Variants in DNAH17 observed in about 807,000 individuals in gnomAD.
DNAH17 encodes axonemal beta dynein heavy chain 17.
Under a neutral mutation model 485.6 loss-of-function variants are expected in DNAH17, and 376 were observed. That is an observed-to-expected ratio of 0.77 (90% CI 0.71 to 0.84). DNAH17 has a LOEUF of 0.84. Among genes scored for constraint, DNAH17 ranks in the 40% least tolerant of loss-of-function variants. The pLI is 0.00. For missense variants in DNAH17, 6,370 were observed against 5,839.3 expected, an observed-to-expected ratio of 1.09 and a Z score of -2.96; for synonymous variants, 3,031 against 2,405.9, an observed-to-expected ratio of 1.26 and a Z score of -7.60.
At position 78,445,796 on chromosome 17, in the gene DNAH17, G is replaced by A. The variant is rs1304174782; in HGVS notation, c.11212-116C>T. 3 of 1,157,242 alleles carry A rather than the reference G, an allele frequency of 2.6e-6. No homozygotes were observed. In the African/African-American group the frequency reaches 4.7e-5, roughly 18 times the overall value. The allele number at this position is 1,157,242 out of a possible 1,614,324, so 71.7% of individuals were successfully genotyped here. ...ACTCCCGGCCTGCAGGGGGCGCCCT[G>A]TCCTGCCCCTTTGGTTTGGGGTAAA... On this transcript the variant is annotated intron_variant, in intron 69 of 80. Transcript: ENST00000389840.
Position 78,475,386 on chromosome 17 carries a change from C to T in DNAH17, c.8403G>A (p.Gly2801=). The change falls in exon 54 of 81, where the codon GGG becomes GGA. Residue 2801 remains glycine (G), a synonymous_variant. Coordinates refer to ENST00000389840, the MANE Select transcript of DNAH17 (RefSeq NM_173628.4). ...ESPRGNALLV[G]VGGSGKQSLS... Reference sequence around the variant, plus strand: ...GGCTCTGTTTGCCACTGCCGCCCACCCCCACCAGCAGGGCATTCCCCCGGG... The same window carrying T: ...GGCTCTGTTTGCCACTGCCGCCCACTCCCACCAGCAGGGCATTCCCCCGGG... 1 of 1,613,970 alleles carries T rather than the reference C, an allele frequency of 6.2e-7. No homozygotes were observed. Among genetic ancestry groups the T allele is most frequent in the Admixed American group, 1.7e-5 (1 of 60,018 alleles).
intron 26 of DNAH17, 40 bp downstream of exon 26, chr17:78,514,734 G>A (rs763362406): frequency 1.1e-5 from 18 of 1,599,828 alleles, no homozygotes; most frequent in Middle Eastern, 1.8e-4. Context: ...AGAGCTGGCC[G>A]CCAGGGGCGG....
At chr17:78,491,297 A>T (rs1188215542) in intron 43 of DNAH17, 146 bp downstream of exon 43, 3 of 1,196,532 alleles carry the variant, frequency 2.5e-6, no homozygotes, top group East Asian at 5.2e-5. Flanking sequence ...GGTGCCCCTC[A>T]CTCATAGCTT....
At chr17:78,558,610 A>G (rs1230398794) in intron 13 of DNAH17, among the ~76,000 whole-genome samples, 1 of 152,098 alleles carries the variant, frequency 6.6e-6, no homozygotes, top group African/African-American at 2.4e-5. Flanking sequence ...TGGGTGGATG[A>G]TGTCATCATT....
At chr17:78,533,827 G>A (rs147950615) in intron 19 of DNAH17, among the ~76,000 whole-genome samples, 1 of 152,080 alleles carries the variant, frequency 6.6e-6, no homozygotes, top group Non-Finnish European at 1.5e-5. Flanking sequence ...TGGGATTACA[G>A]GCTCCCACCA....
rs1568244832 is a variant in DNAH17, at chr17:78,553,294, T to TTG, written c.2179-490_2179-489insCA. Reference sequence around the variant, plus strand: ...TCCCAGGTTTTTGTGTTTTTTTTTTTTTTTTTTTTTTTTTTTTTTTTTTTT... The same window carrying TTG: ...TCCCAGGTTTTTGTGTTTTTTTTTTTTGTTTTTTTTTTTTTTTTTTTTTTTTT... On this transcript the variant is annotated intron_variant, in intron 14 of 80. Transcript: ENST00000389840. Among the ~76,000 whole-genome samples the TTG allele has an allele frequency of 1.6e-4, 7 of 42,808 alleles. 1 individual carries two copies. Among genetic ancestry groups the TTG allele is most frequent in the African/African-American group, 5.7e-4 (7 of 12,382 alleles). The allele number at this position is 42,808 out of a possible 152,430, so 28.1% of individuals were successfully genotyped here. A position where few individuals can be genotyped will look rare whatever the true frequency, so the allele number is the denominator to read the frequency against.
At chr17:78,478,724 A>G (rs1031276732) in intron 51 of DNAH17, among the ~76,000 whole-genome samples, 1 of 149,324 alleles carries the variant, frequency 6.7e-6, no homozygotes, top group Non-Finnish European at 1.5e-5. Flanking sequence ...CACTATTGCC[A>G]TCATCACCAC....
chr17:78,500,448 G>C lies in DNAH17; in HGVS notation c.5497C>G (p.Leu1833Val). 6.3e-7 allele frequency: 1 copy of C among 1,585,712 alleles called. No homozygotes were observed. The highest frequency in any genetic ancestry group is 2.2e-5 in the East Asian group (1 of 44,490). Residue 1833 changes from leucine to valine, a missense_variant, in exon 36 of 81, where the codon CTG (leucine) becomes GTG (valine). Coordinates refer to ENST00000389840, the MANE Select transcript of DNAH17 (RefSeq NM_173628.4). ...TPLTDRCYIT[L>V]TQSLHLIMGG... ...ATGATGAGATGGAGGGACTGGGTCA[G>C]GGTGATATAGCACCTGCAAGTGACC...
In DNAH17 at chr17:78,458,666, G is replaced by T. The variant is rs766259372; in HGVS notation, c.9876C>A (p.Asn3292Lys). 50 of 1,613,882 alleles carry T rather than the reference G, an allele frequency of 3.1e-5. No homozygotes were observed. The highest frequency in any genetic ancestry group is 4.2e-5 in the Non-Finnish European group (50 of 1,179,886). ...IKNKIAELNANLSNLTSAFEK... is the reference protein window; with the variant it reads ...IKNKIAELNAKLSNLTSAFEK... ...CAAACGCTGAGGTTAGGTTGCTCAG[G>T]TTGGCGTTAAGTTCCTGCAAAACCA... is the stretch of plus-strand genomic sequence containing the variant. The change falls in exon 62 of 81, where the codon AAC (asparagine) becomes AAA (lysine). Residue 3292 changes from asparagine (N) to lysine (K), a missense_variant. Asn to Lys is a moderately conservative substitution (Grantham distance 94). Transcript: ENST00000389840.
intron 75 of DNAH17, 118 bp from the exon 76 acceptor site, chr17:78,429,418 C>T (rs1222597300): frequency 7.8e-6 from 9 of 1,153,754 alleles, no homozygotes; most frequent in African/African-American, 4.6e-5. Flanking sequence ...GTGTCCTTCT[C>T]GCCCTCCAGG....
At chr17:78,429,329 A>C in intron 75 of DNAH17, 29 bp from the exon 76 acceptor site, 1 of 1,604,440 alleles carries the variant, frequency 6.2e-7, no homozygotes, top group Non-Finnish European at 8.5e-7. Context: ...GGGTAGGGGA[A>C]AGTGCCCCTG....
At chr17:78,543,515 C>A (rs942537693) in intron 17 of DNAH17, among the ~76,000 whole-genome samples, 6 of 151,964 alleles carry the variant, frequency 3.9e-5, no homozygotes, top group African/African-American at 1.2e-4. Flanking sequence ...TGGTCTCGAT[C>A]TCCTGACCTC....
At chr17:78,561,574 G>T in intron 12 of DNAH17, 141 bp downstream of exon 12, 1 of 998,502 alleles carries the variant, frequency 1.0e-6, no homozygotes, top group Non-Finnish European at 1.4e-6. Context: ...GGACCAGAAG[G>T]GGTCTCTTCT....
chr17:78,471,385 C>T (rs2088742723), intron 54 of DNAH17, among the ~76,000 whole-genome samples: 1 of 152,212 alleles, frequency 6.6e-6, no homozygotes, highest in Admixed American at 6.5e-5. Context: ...GTCCTTGGAC[C>T]CTGCCTCGAG....
intron 17 of DNAH17, among the ~76,000 whole-genome samples, chr17:78,540,879 ATGGG>A (rs1300126304): frequency 0.61 from 11 of 18 alleles, 3 homozygotes; most frequent in Non-Finnish European, 0.67. Flanking sequence ...GGGTGGGTGG[ATGGG>A]TGGATGGATG....
At position 78,506,735 on chromosome 17, in the gene DNAH17, G is replaced by A. The variant is rs2090495514; in HGVS notation, c.4788C>T (p.Gly1596=). The A allele has an allele frequency of 1.2e-6, 2 of 1,613,880 alleles. No homozygotes were observed. The highest frequency in any genetic ancestry group is 3.3e-5 in the Admixed American group (2 of 59,998). Residue 1596 remains glycine, a synonymous_variant, in exon 30 of 81, where the codon GGC becomes GGT. Coordinates refer to ENST00000389840, the MANE Select transcript of DNAH17 (RefSeq NM_173628.4). ...CCCCGCCTACCTCCACGGGGTCATT[G>A]CCATTGGAGAGAATGTCCAGGAGGT... is the stretch of plus-strand genomic sequence containing the variant. ...SADLLDILSN[G]NDPVEVSRHL... is the part of the protein sequence containing the mutation.
rs773845932 is a variant in DNAH17 at position 78,537,292 on chromosome 17, G to A, written c.2859+7C>T. ...CCTGTGTACGGCCAGAAGAGGCCAG[G>A]ACTGACCTTGTAGTTCATCCTGTCC... is the stretch of plus-strand genomic sequence containing the variant. On this transcript the variant is annotated splice_region_variant and intron_variant, in intron 19 of 80. Transcript: ENST00000389840. 22 of 1,556,446 alleles carry A rather than the reference G, an allele frequency of 1.4e-5. No homozygotes were observed. Among genetic ancestry groups the A allele is most frequent in the African/African-American group, 2.7e-5 (2 of 73,338 alleles).
chr17:78,487,528 A>C (rs1160718171), intron 44 of DNAH17, among the ~76,000 whole-genome samples: 1 of 151,796 alleles, frequency 6.6e-6, no homozygotes, highest in Non-Finnish European at 1.5e-5. Context: ...GCCTCTTTAG[A>C]CAGAGACTCA....
intron 65 of DNAH17, 73 bp downstream of exon 65, chr17:78,453,270 T>C: frequency 1.3e-6 from 2 of 1,565,982 alleles, no homozygotes; most frequent in Non-Finnish European, 1.7e-6. Flanking sequence ...GCGTTTTCTC[T>C]ACATGCACAC....
Sources: gnomAD v4.1 joint callset for allele counts (sites outside exome capture counted in the v4.1 genomes callset) on GRCh38, gnomAD v4.1.1 for gene constraint, MANE v1.5 for transcripts, NCBI Gene and HGNC (gene_info 2026-07-23, HGNC 2026-07-21) for gene names.